The following TMEM192 variants were observed in gnomAD, a reference collection of about 807,000 sequenced individuals.
TMEM192 encodes the protein transmembrane protein 192.
TMEM192 carries 20 observed loss-of-function variants against 26.7 expected under a neutral mutation model. The ratio of observed to expected loss-of-function variants is 0.75; its 90% CI spans 0.53 to 1.09. TMEM192 has a LOEUF of 1.09. TMEM192 is among the 50% of genes least tolerant of loss of function. The probability of loss-of-function intolerance (pLI) is 0.00; values close to 1 mark genes in which losing one functional copy is unlikely to be tolerated. For missense variants in TMEM192, 304 were observed against 322.6 expected (o/e 0.94, Z 0.44); for synonymous variants, 124 against 121.0 (o/e 1.02, Z -0.16).
Position 165,078,908 on chromosome 4 carries a change from G to C in TMEM192, c.*750C>G, listed in dbSNP as rs1469070003. The C allele has an allele frequency of 2.6e-5, 4 of 152,288 alleles. No homozygotes were observed. The highest frequency in any genetic ancestry group is 1.3e-4 in the Admixed American group (2 of 15,272). The allele number at this position is 152,288 out of a possible 1,614,324, so 9.4% of individuals were successfully genotyped here. ...GGGTCCACACCATTCTCCTGCCTCA[G>C]CCTCCCAGGTGGCTGGGACTACAGG... On this transcript the variant is annotated 3_prime_UTR_variant, in exon 6 of 6. Transcript: ENST00000306480.
intron 3 of TMEM192, 88 bp downstream of exon 3, chr4:165,100,540 T>C: frequency 7.0e-7 from 1 of 1,425,934 alleles, no homozygotes; most frequent in Non-Finnish European, 9.5e-7. Context: ...GAGAATATAT[T>C]TGATTCTAAA....
chr4:165,111,093 T>A (rs1330547081), intron 1 of TMEM192, among the ~76,000 whole-genome samples: 1 of 152,218 alleles, frequency 6.6e-6, no homozygotes, highest in Admixed American at 6.6e-5. Context: ...AATTAATTTT[T>A]ATTTATTTTT....
At chr4:165,092,118 T>TAATGC (rs1734780303) in intron 3 of TMEM192, among the ~76,000 whole-genome samples, 1 of 64,552 alleles carries the variant, frequency 1.5e-5, no homozygotes, top group African/African-American at 4.2e-5. Context: ...TGTTCTTTTT[T>TAATGC]TTTTTTTTTT....
rs184033264 is a variant in TMEM192, at chr4:165,087,540, C to T, written c.574+928G>A. ...TATTGTTAACTGAGCTAGAAGAGGA[C>T]GGTTAGGATGGAGGGAAATTTTGAA... On this transcript the variant is annotated intron_variant, in intron 4 of 5. Transcript: ENST00000306480. 1.1e-4 allele frequency among the ~76,000 whole-genome samples: 16 copies of T among 152,226 alleles called. No individual in the cohort carries two copies. In the East Asian group the frequency reaches 1.2e-3, roughly 11 times the overall value.
intron 3 of TMEM192, among the ~76,000 whole-genome samples, chr4:165,097,493 C>CAAAAAAA (rs60822491): frequency 1.9e-4 from 11 of 58,762 alleles, no homozygotes; most frequent in African/African-American, 2.4e-4. Context: ...GACTCCATCT[C>CAAAAAAA]AAAAAAAAAA....
At chr4:165,097,756 A>G (rs1268820298) in intron 3 of TMEM192, among the ~76,000 whole-genome samples, 1 of 151,698 alleles carries the variant, frequency 6.6e-6, no homozygotes, top group Non-Finnish European at 1.5e-5. Flanking sequence ...CTAGGACTAC[A>G]GGCACAGGCT....
intron 3 of TMEM192, among the ~76,000 whole-genome samples, chr4:165,094,550 G>A (rs1005512648): frequency 6.6e-6 from 1 of 151,574 alleles, no homozygotes; most frequent in Non-Finnish European, 1.5e-5. Flanking sequence ...CCAGCTACTC[G>A]GGAGGCTGAG....
At chr4:165,094,549 C>T (rs888346504) in intron 3 of TMEM192, among the ~76,000 whole-genome samples, 3 of 151,662 alleles carry the variant, frequency 2.0e-5, no homozygotes, top group Admixed American at 1.3e-4. Context: ...CCCAGCTACT[C>T]GGGAGGCTGA....
At chr4:165,084,999 G>A (rs1426624784) in intron 5 of TMEM192, among the ~76,000 whole-genome samples, 2 of 150,940 alleles carry the variant, frequency 1.3e-5, no homozygotes, top group African/African-American at 4.9e-5. Flanking sequence ...AACAGGCCGG[G>A]CGAGGTGGCT....
At chr4:165,104,730 C>T (rs1735125650) in intron 1 of TMEM192, among the ~76,000 whole-genome samples, 1 of 152,040 alleles carries the variant, frequency 6.6e-6, no homozygotes, top group African/African-American at 2.4e-5. Context: ...GGGGTTTCGC[C>T]ATGTTAGCCA....
rs188079077 is a variant in TMEM192 at position 165,094,600 on chromosome 4, T to C, written c.440-5998A>G. ...TGAACCCGGGAGGCGGTGGCTGCAGTGAGCTGAGATCGTGCTATTGCACTC... is the reference window on the plus strand; with the variant it reads ...TGAACCCGGGAGGCGGTGGCTGCAGCGAGCTGAGATCGTGCTATTGCACTC... On this transcript the variant is annotated intron_variant, in intron 3 of 5. Transcript: ENST00000306480. 7.8e-3 allele frequency among the ~76,000 whole-genome samples: 1,168 copies of C among 150,526 alleles called. 18 individuals carry two copies. Among genetic ancestry groups the C allele is most frequent in the African/African-American group, 0.027 (1,094 of 40,886 alleles).
At chr4:165,081,244 T>C (rs1385665045) in intron 5 of TMEM192, among the ~76,000 whole-genome samples, 1 of 151,574 alleles carries the variant, frequency 6.6e-6, no homozygotes, top group Non-Finnish European at 1.5e-5. Context: ...TCTTTTTTTT[T>C]TTTTCTGAGC....
intron 1 of TMEM192, among the ~76,000 whole-genome samples, chr4:165,103,681 A>C (rs1735100213): frequency 1.3e-5 from 2 of 151,704 alleles, no homozygotes; most frequent in African/African-American, 4.8e-5. Context: ...ACACCCGGCT[A>C]ATTTTTTATT....
At position 165,081,603 on chromosome 4, in the gene TMEM192, G is replaced by C. The variant is rs1240074457; in HGVS notation, c.678-1807C>G. The stretch of plus-strand genomic sequence containing the variant: ...AGATGGGGTTTCACCATATTAGCCA[G>C]GATGGTCTCGATATCCTGACCCCAT... On this transcript the variant is annotated intron_variant, in intron 5 of 5. Coordinates refer to ENST00000306480, the MANE Select transcript of TMEM192 (RefSeq NM_001100389.2). Among the ~76,000 whole-genome samples the C allele has an allele frequency of 1.4e-4, 5 of 36,928 alleles. 2 individuals are homozygous for C. Among genetic ancestry groups the C allele is most frequent in the Admixed American group, 7.5e-4 (2 of 2,678 alleles). 24.2% of individuals were successfully genotyped at this position (36,928 alleles called of 152,430 possible).
chr4:165,105,468 C>A (rs907978558), intron 1 of TMEM192, among the ~76,000 whole-genome samples: 3 of 152,144 alleles, frequency 2.0e-5, no homozygotes, highest in African/African-American at 7.2e-5. Context: ...CAAGTTACTT[C>A]ATCTCTCATG....
intron 4 of TMEM192, among the ~76,000 whole-genome samples, 198 bp from the exon 5 acceptor site, chr4:165,085,886 G>A (rs1012166641): frequency 5.3e-5 from 8 of 152,084 alleles, no homozygotes; most frequent in African/African-American, 1.9e-4. Context: ...CATTTATTGT[G>A]CACTTAGAAC....
In TMEM192 at chr4:165,078,195, A is replaced by G. The variant is rs1734432934; in HGVS notation, c.*1463T>C. 6.6e-6 allele frequency: 1 copy of G among 152,226 alleles called. No individual in the cohort carries two copies. The highest frequency in any genetic ancestry group is 2.4e-5 in the African/African-American group (1 of 41,452). The allele number at this position is 152,226 out of a possible 1,614,324, so 9.4% of individuals were successfully genotyped here. A position where few individuals can be genotyped will look rare whatever the true frequency, so the allele number is the denominator to read the frequency against. ...AAATCAATATATCCCTTGCCTATATAGTTATATCGAACACATCCCTATATG... is the reference window on the plus strand; with the variant it reads ...AAATCAATATATCCCTTGCCTATATGGTTATATCGAACACATCCCTATATG... On this transcript the variant is annotated 3_prime_UTR_variant, in exon 6 of 6. Coordinates refer to ENST00000306480, the MANE Select transcript of TMEM192 (RefSeq NM_001100389.2).
intron 1 of TMEM192, among the ~76,000 whole-genome samples, chr4:165,109,840 G>A (rs1047625011): frequency 5.9e-5 from 9 of 152,022 alleles, no homozygotes; most frequent in African/African-American, 2.2e-4. Flanking sequence ...ATCTTTCAAG[G>A]TCCTAACCAA....
chr4:165,112,812 C>T lies in TMEM192; in HGVS notation c.-39G>A. 6.2e-7 allele frequency: 1 copy of T among 1,600,714 alleles called. No individual in the cohort carries two copies. Among genetic ancestry groups the T allele is most frequent in the Non-Finnish European group, 8.5e-7 (1 of 1,177,480 alleles). On this transcript the variant is annotated 5_prime_UTR_variant, in exon 1 of 6. Coordinates refer to ENST00000306480, the MANE Select transcript of TMEM192 (RefSeq NM_001100389.2). ...AGGCCGAAGCCCTGGCCAGCCCGGC[C>T]TCTCCACCTGGACCTGTAAGCCTCT...
Sources: gnomAD v4.1 joint callset for allele counts (sites outside exome capture counted in the v4.1 genomes callset) on GRCh38, gnomAD v4.1.1 for gene constraint, MANE v1.5 for transcripts, NCBI Gene and HGNC (gene_info 2026-07-23, HGNC 2026-07-21) for gene names.